The following ZFAT variants were observed in gnomAD, a reference collection of about 807,000 sequenced individuals.
The protein encoded by ZFAT is zinc finger and AT-hook domain containing.
In ZFAT, 64 loss-of-function variants were observed where a neutral mutation model predicts 117.7. The observed-to-expected ratio is 0.54, with a 90% CI of 0.44 to 0.67. ZFAT has a LOEUF of 0.67. Ranked by LOEUF, ZFAT falls within the 30% of genes least tolerant of loss-of-function variation. The pLI is 0.00. For missense variants in ZFAT, 1,433 were observed against 1,584.5 expected, an observed-to-expected ratio of 0.90 and a Z score of 1.62; for synonymous variants, 679 against 615.0, an observed-to-expected ratio of 1.10 and a Z score of -1.54.
At position 134,553,167 on chromosome 8, in the gene ZFAT, A is replaced by G. The variant is rs532962192; in HGVS notation, c.2976+12166T>C. Among the ~76,000 whole-genome samples, 193 of 152,304 alleles carry G rather than the reference A, an allele frequency of 1.3e-3. 1 individual carries two copies. The highest frequency in any genetic ancestry group is 4.2e-3 in the African/African-American group (175 of 41,570). ...ACTGAGGAGAGAGACATTCACTGTT[A>G]GAAGGAGGCTGTTTATTAAGAACTC... On this transcript the variant is annotated intron_variant, in intron 11 of 15. Transcript: ENST00000377838.
chr8:134,668,724 T>G (rs971210528), intron 1 of ZFAT, among the ~76,000 whole-genome samples: 12 of 152,170 alleles, frequency 7.9e-5, no homozygotes, highest in African/African-American at 2.9e-4. Flanking sequence ...ACACAGCTCC[T>G]CACTAGCAAG....
intron 11 of ZFAT, among the ~76,000 whole-genome samples, chr8:134,546,184 A>G (rs1237065736): frequency 6.6e-6 from 1 of 152,248 alleles, no homozygotes; most frequent in East Asian, 1.9e-4. Flanking sequence ...AGGCTATAGT[A>G]GGAATTTCTC....
At chr8:134,724,701 A>G in the ZFAT span, among the ~76,000 whole-genome samples, 4 of 151,964 alleles carry the variant, frequency 2.6e-5, no homozygotes, top group Admixed American at 6.5e-5. Flanking sequence ...GTATCATTCT[A>G]TCAGTTACGT....
At chr8:134,665,564 A>G (rs1832171601) in intron 1 of ZFAT, among the ~76,000 whole-genome samples, 1 of 152,210 alleles carries the variant, frequency 6.6e-6, no homozygotes, top group Non-Finnish European at 1.5e-5. Flanking sequence ...CTGGCTTTTA[A>G]TATTTCCATT....
At chr8:134,542,707 G>A (rs551746900) in intron 11 of ZFAT, among the ~76,000 whole-genome samples, 2 of 152,342 alleles carry the variant, frequency 1.3e-5, no homozygotes, top group African/African-American at 4.8e-5. Flanking sequence ...CAGATGACCT[G>A]TCCACACCTC....
intron 1 of ZFAT, among the ~76,000 whole-genome samples, chr8:134,670,657 A>C (rs200462786): frequency 5.6e-4 from 86 of 152,332 alleles, no homozygotes; most frequent in African/African-American, 1.3e-3. Context: ...GCAGGGAAGA[A>C]CTAAAATTGA....
chr8:134,636,389 A>T (rs1382860713), intron 3 of ZFAT, among the ~76,000 whole-genome samples: 1 of 152,234 alleles, frequency 6.6e-6, no homozygotes, highest in Non-Finnish European at 1.5e-5. Context: ...AATAGCTGGC[A>T]TTCACTTGGT....
intron 11 of ZFAT, among the ~76,000 whole-genome samples, chr8:134,544,717 C>T (rs1245908976): frequency 6.6e-6 from 1 of 151,894 alleles, no homozygotes; most frequent in African/African-American, 2.4e-5. Flanking sequence ...AGCTAAAAAA[C>T]ATATGAAAAG....
intron 15 of ZFAT, among the ~76,000 whole-genome samples, chr8:134,486,807 A>G (rs1367804293): frequency 6.6e-6 from 1 of 152,202 alleles, no homozygotes; most frequent in Non-Finnish European, 1.5e-5. Context: ...TGGGAGAGGC[A>G]ATGATGCAAA....
intron 7 of ZFAT, among the ~76,000 whole-genome samples, chr8:134,595,502 C>T (rs1183623101): frequency 1.3e-5 from 2 of 152,166 alleles, no homozygotes; most frequent in Non-Finnish European, 2.9e-5. Flanking sequence ...TAAGGATTTG[C>T]CCCAGATCAC....
Position 134,601,522 on chromosome 8 carries a change from C to T in ZFAT, c.2197G>A (p.Glu733Lys), listed in dbSNP as rs1827461502. 4.3e-6 allele frequency: 7 copies of T among 1,614,026 alleles called. No individual in the cohort carries two copies. Among genetic ancestry groups the T allele is most frequent in the Non-Finnish European group, 5.9e-6 (7 of 1,179,990 alleles). ...QKKQMNTSLCERIRKVYGDLE... is the reference protein window; with the variant it reads ...QKKQMNTSLCKRIRKVYGDLE... ...TCTCCATAAACCTTCCGGATCCGCTCACACAAGCTGGTGTTCATTTGCTTC... is the reference window on the plus strand; with the variant it reads ...TCTCCATAAACCTTCCGGATCCGCTTACACAAGCTGGTGTTCATTTGCTTC... The change falls in exon 6 of 16, where the codon GAG (glutamate) becomes AAG (lysine). Residue 733 changes from glutamate (E) to lysine (K), a missense_variant. This residue lies in a region of ZFAT where 372 missense variants were observed against 355.6 expected (regional missense o/e 1.05). Coordinates refer to ENST00000377838, the MANE Select transcript of ZFAT (RefSeq NM_020863.4).
At chr8:134,605,269 A>G (rs7009036) in intron 5 of ZFAT, among the ~76,000 whole-genome samples, 26,134 of 152,222 alleles carry the variant, frequency 0.17, 2,942 homozygotes, top group East Asian at 0.36. Context: ...GAATCCGGCC[A>G]GGCGCAGTGG....
At chr8:134,815,734 G>A in the ZFAT span, among the ~76,000 whole-genome samples, 1 of 152,144 alleles carries the variant, frequency 6.6e-6, no homozygotes. Flanking sequence ...TTTTCACTCA[G>A]ATCTTCACAT....
chr8:134,674,086 T>C (rs1024892459), intron 1 of ZFAT, among the ~76,000 whole-genome samples: 12 of 152,130 alleles, frequency 7.9e-5, no homozygotes, highest in African/African-American at 2.9e-4. Context: ...TCATATTCAG[T>C]CTGGTTGGAC....
intron 3 of ZFAT, among the ~76,000 whole-genome samples, chr8:134,634,762 G>A (rs1830102952): frequency 6.6e-6 from 1 of 152,128 alleles, no homozygotes; most frequent in Admixed American, 6.5e-5. Context: ...TTTTGGTGAG[G>A]GTCTTGAACA....
intron 3 of ZFAT, among the ~76,000 whole-genome samples, chr8:134,629,374 T>G (rs78087897): frequency 6.6e-6 from 1 of 152,088 alleles, no homozygotes; most frequent in African/African-American, 2.4e-5. Flanking sequence ...CCGTCACTAG[T>G]GACGGTCACC....
chr8:134,599,581 C>G (rs374225006), intron 7 of ZFAT: 13 of 358,394 alleles, frequency 3.6e-5, no homozygotes, highest in African/African-American at 2.2e-4. Context: ...CTCTGACCTA[C>G]TCACCACACC....
intron 15 of ZFAT, among the ~76,000 whole-genome samples, chr8:134,498,035 CCG>C: frequency 8.6e-5 from 11 of 128,124 alleles, no homozygotes; most frequent in African/African-American, 3.4e-4. Context: ...TGGGGTGGAG[CCG>C]TGATGCCCCT....
At position 134,554,968 on chromosome 8, in the gene ZFAT, T is replaced by C. The variant is rs79129887; in HGVS notation, c.2976+10365A>G. 7.4e-3 allele frequency among the ~76,000 whole-genome samples: 1,134 copies of C among 152,316 alleles called. 25 individuals are homozygous for C. The highest frequency in any genetic ancestry group is 0.026 in the African/African-American group (1,080 of 41,568). ...AAATGAGATTTATTCATTCTTGAGT[T>C]GGGGGTTACCAAGACCACCCTCAGG... On this transcript the variant is annotated intron_variant, in intron 11 of 15. Coordinates refer to ENST00000377838, the MANE Select transcript of ZFAT (RefSeq NM_020863.4).
Sources: allele counts gnomAD v4.1 joint callset (sites outside exome capture counted in the v4.1 genomes callset), GRCh38; gene constraint gnomAD v4.1.1; regional missense constraint gnomAD v4.1.1; transcripts MANE v1.5; gene names NCBI Gene and HGNC (gene_info 2026-07-23, HGNC 2026-07-21).